The following EYA2 variants were observed in gnomAD, a reference collection of about 807,000 sequenced individuals.
EYA2 encodes EYA transcriptional coactivator and phosphatase 2, also known as protein phosphatase EYA2.
A neutral mutation model predicts 69.2 loss-of-function variants in EYA2; 31 were observed. The ratio of observed to expected loss-of-function variants is 0.45; its 90% CI spans 0.34 to 0.60. The LOEUF (loss-of-function observed/expected upper bound fraction) is 0.60, where lower values mean the gene tolerates loss of function less well. Ranked by LOEUF, EYA2 falls within the 20% of genes least tolerant of loss-of-function variation. The pLI is 0.02. For missense variants in EYA2, 622 were observed against 701.2 expected (o/e 0.89, Z 1.28); for synonymous variants, 257 against 279.4 (o/e 0.92, Z 0.80).
chr20:47,164,717 T>C (rs1050292688), intron 10 of EYA2, among the ~76,000 whole-genome samples: 1 of 151,932 alleles, frequency 6.6e-6, no homozygotes, highest in Non-Finnish European at 1.5e-5. Flanking sequence ...CCCGTAGAGA[T>C]GGTGGGAAAC....
chr20:47,156,981 G>A (rs1414536690), intron 10 of EYA2, among the ~76,000 whole-genome samples: 1 of 151,906 alleles, frequency 6.6e-6, no homozygotes, highest in African/African-American at 2.4e-5. Context: ...AGAAACCCCA[G>A]CTGTCACCAG....
chr20:46,974,813 C>T (rs545482683), intron 1 of EYA2, among the ~76,000 whole-genome samples: 14 of 152,246 alleles, frequency 9.2e-5, no homozygotes, highest in Middle Eastern at 3.4e-3. Context: ...GCTCCAGGGC[C>T]CTGCTGAACC....
At chr20:47,168,336 C>T (rs1268685546) in intron 10 of EYA2, among the ~76,000 whole-genome samples, 1 of 149,406 alleles carries the variant, frequency 6.7e-6, no homozygotes, top group South Asian at 2.1e-4. Context: ...GGATTACAGG[C>T]AGCTGCCACC....
chr20:46,954,224 T>C (rs1218023355), intron 1 of EYA2, among the ~76,000 whole-genome samples: 1 of 152,176 alleles, frequency 6.6e-6, no homozygotes, highest in Non-Finnish European at 1.5e-5. Flanking sequence ...CTCCTGTTTA[T>C]TGTAGGTCAC....
intron 9 of EYA2, among the ~76,000 whole-genome samples, chr20:47,133,061 A>G (rs3827057): frequency 0.18 from 27,488 of 152,154 alleles, 2,528 homozygotes; most frequent in Middle Eastern, 0.23. Context: ...TTCAATGCAC[A>G]TCAGCTTAGG....
intron 7 of EYA2, among the ~76,000 whole-genome samples, chr20:47,077,786 A>G (rs2031569592): frequency 6.6e-6 from 1 of 152,368 alleles, no homozygotes; most frequent in African/African-American, 2.4e-5. Context: ...TACCTATTTA[A>G]TAACTTTCTT....
intron 5 of EYA2, among the ~76,000 whole-genome samples, chr20:47,032,295 T>A (rs1441276045): frequency 2.6e-5 from 4 of 152,188 alleles, no homozygotes; most frequent in Admixed American, 6.5e-5. Flanking sequence ...GAATTCCTGA[T>A]TTTTGTATTA....
intron 5 of EYA2, among the ~76,000 whole-genome samples, chr20:47,034,691 C>T (rs539825552): frequency 6.6e-6 from 1 of 152,344 alleles, no homozygotes; most frequent in Admixed American, 6.5e-5. Context: ...TTTCCTAAGA[C>T]TGTCATAACA....
In EYA2 at chr20:47,183,397, T is replaced by C; in HGVS notation, c.1536+6T>C. 6.2e-7 allele frequency: 1 copy of C among 1,613,428 alleles called. No individual in the cohort carries two copies. ...AGGAGCAAGGAGCGAAAAAGGTACT[T>C]CTTCCACCTCTCAGACTGCGTTTTC... On this transcript the variant is annotated splice_donor_region_variant and intron_variant, in intron 15 of 15. Transcript: ENST00000327619.
intron 1 of EYA2, among the ~76,000 whole-genome samples, chr20:46,935,611 G>A (rs79694891): frequency 0.056 from 8,512 of 152,052 alleles, 728 homozygotes; most frequent in African/African-American, 0.18. Context: ...TGCACATGAC[G>A]TCACCTCTCT....
chr20:47,000,674 T>C (rs1982311180), intron 2 of EYA2, among the ~76,000 whole-genome samples: 1 of 152,156 alleles, frequency 6.6e-6, no homozygotes, highest in South Asian at 2.1e-4. Context: ...CTTAACTCTG[T>C]CACCTTTTCG....
chr20:46,909,369 T>G (rs1984535411), intron 1 of EYA2, among the ~76,000 whole-genome samples: 1 of 152,016 alleles, frequency 6.6e-6, no homozygotes, highest in South Asian at 2.1e-4. Flanking sequence ...TGGGAGGCAG[T>G]AAGGAAAGCT....
intron 15 of EYA2, 133 bp downstream of exon 15, chr20:47,183,524 C>T: frequency 1.5e-6 from 1 of 684,542 alleles, no homozygotes; most frequent in East Asian, 2.8e-5. Flanking sequence ...CCTTGCTTGC[C>T]AGTCCATTCC....
intron 1 of EYA2, among the ~76,000 whole-genome samples, chr20:46,897,863 A>G (rs1453836375): frequency 6.6e-6 from 1 of 152,150 alleles, no homozygotes; most frequent in African/African-American, 2.4e-5. Context: ...GGCCTCCTTC[A>G]TACAAAGATG....
chr20:47,139,578 C>T (rs1172683401), intron 9 of EYA2, among the ~76,000 whole-genome samples: 1 of 152,120 alleles, frequency 6.6e-6, no homozygotes, highest in African/African-American at 2.4e-5. Flanking sequence ...TACAGGCATG[C>T]GCCACCACAC....
chr20:47,076,211 A>G (rs2031508044), intron 7 of EYA2, among the ~76,000 whole-genome samples: 1 of 152,240 alleles, frequency 6.6e-6, no homozygotes, highest in South Asian at 2.1e-4. Flanking sequence ...CTTTGGATAT[A>G]TACCCAGTAA....
At chr20:47,163,783 AT>A (rs2034123885) in intron 10 of EYA2, among the ~76,000 whole-genome samples, 1 of 148,946 alleles carries the variant, frequency 6.7e-6, no homozygotes, top group Admixed American at 6.8e-5. Context: ...ACCACATTTT[AT>A]TTAGCTACGA....
At chr20:46,895,419 A>G (rs1983754166) in intron 1 of EYA2, among the ~76,000 whole-genome samples, 1 of 152,214 alleles carries the variant, frequency 6.6e-6, no homozygotes, top group Admixed American at 6.5e-5. Flanking sequence ...TGGGATAACC[A>G]AGAAGCAGAG....
chr20:47,177,180 T>G lies in EYA2; in HGVS notation c.1199-2618T>G, dbSNP rs566345059. 3.3e-5 allele frequency among the ~76,000 whole-genome samples: 5 copies of G among 152,230 alleles called. No individual in the cohort carries two copies. In the East Asian group the frequency reaches 9.6e-4, roughly 29 times the overall value. On this transcript the variant is annotated intron_variant, in intron 12 of 15. Transcript: ENST00000327619. ...CAGGCTGGAGTGCAGTGGCATGATCTCGGCTCACTGCACCCTCGACCTCCT... is the reference window on the plus strand; with the variant it reads ...CAGGCTGGAGTGCAGTGGCATGATCGCGGCTCACTGCACCCTCGACCTCCT...
Sources: allele counts gnomAD v4.1 joint callset (sites outside exome capture counted in the v4.1 genomes callset), GRCh38; gene constraint gnomAD v4.1.1; transcripts MANE v1.5; gene names NCBI Gene and HGNC (gene_info 2026-07-23, HGNC 2026-07-21).